Variants in MANBA observed in about 807,000 individuals in gnomAD.
MANBA encodes mannosidase beta, also known as beta-mannosidase.
A neutral mutation model predicts 111.1 loss-of-function variants in MANBA; 83 were observed. That is an observed-to-expected ratio of 0.75 (90% CI 0.63 to 0.90). MANBA has a LOEUF of 0.90. Among genes scored for constraint, MANBA ranks in the 40% least tolerant of loss-of-function variants. The probability of loss-of-function intolerance (pLI) is 0.00; values close to 1 mark genes in which losing one functional copy is unlikely to be tolerated. For missense variants in MANBA, 1,036 were observed against 1,069.0 expected, an observed-to-expected ratio of 0.97 and a Z score of 0.43; for synonymous variants, 370 against 378.7, an observed-to-expected ratio of 0.98 and a Z score of 0.27.
At chr4:102,674,235 C>T (rs1731623907) in intron 7 of MANBA, among the ~76,000 whole-genome samples, 165 bp from the exon 8 acceptor site, 1 of 152,058 alleles carries the variant, frequency 6.6e-6, no homozygotes, top group South Asian at 2.1e-4. Flanking sequence ...CAGGAATATA[C>T]ACATATAAAT....
chr4:102,649,902 A>C (rs1730256187), intron 13 of MANBA, among the ~76,000 whole-genome samples: 1 of 152,092 alleles, frequency 6.6e-6, no homozygotes, highest in Non-Finnish European at 1.5e-5. Context: ...GGTCAAATGA[A>C]GTTTCTAAAA....
chr4:102,710,390 A>G (rs1722006068), intron 5 of MANBA, among the ~76,000 whole-genome samples: 1 of 152,162 alleles, frequency 6.6e-6, no homozygotes, highest in Non-Finnish European at 1.5e-5. Flanking sequence ...AAAGAAATCA[A>G]GAAGGCAATC....
intron 13 of MANBA, among the ~76,000 whole-genome samples, chr4:102,649,122 G>A (rs1730221223): frequency 6.6e-6 from 1 of 152,084 alleles, no homozygotes; most frequent in African/African-American, 2.4e-5. Context: ...TCCACTGTAT[G>A]AATATACTAC....
intron 13 of MANBA, among the ~76,000 whole-genome samples, chr4:102,646,083 T>C (rs1478366993): frequency 6.6e-6 from 1 of 152,052 alleles, no homozygotes; most frequent in Non-Finnish European, 1.5e-5. Context: ...GAAAGAGTGA[T>C]ATGGGTGTCT....
chr4:102,694,862 T>C lies in MANBA; in HGVS notation c.674-4091A>G, dbSNP rs1249739785. On this transcript the variant is annotated intron_variant, in intron 5 of 16. Transcript: ENST00000647097. ...TCCCTGGCCTGAAGGCTTATTGGTG[T>C]CCTCGCTGATGTCCTAAGCCCAAGC... Among the ~76,000 whole-genome samples the C allele has an allele frequency of 2.6e-5, 4 of 152,092 alleles. No individual in the cohort carries two copies. In the South Asian group the frequency reaches 8.3e-4, roughly 32 times the overall value.
intron 13 of MANBA, among the ~76,000 whole-genome samples, chr4:102,650,320 C>T (rs1307279968): frequency 6.6e-6 from 1 of 152,168 alleles, no homozygotes; most frequent in Non-Finnish European, 1.5e-5. Flanking sequence ...CAATTTATTT[C>T]AGAATTTTGT....
intron 1 of MANBA, among the ~76,000 whole-genome samples, chr4:102,732,340 T>C (rs993401888): frequency 6.6e-6 from 1 of 152,264 alleles, no homozygotes; most frequent in African/African-American, 2.4e-5. Flanking sequence ...ATGGAGGGGC[T>C]TCCCCTCCTT....
intron 5 of MANBA, among the ~76,000 whole-genome samples, chr4:102,697,344 T>C (rs931387393): frequency 1.9e-4 from 27 of 143,488 alleles, no homozygotes; most frequent in Non-Finnish European, 3.0e-5. Context: ...GACAAATCTT[T>C]ATTTTATTTT....
At chr4:102,637,960 T>C (rs1351329793) in intron 14 of MANBA, among the ~76,000 whole-genome samples, 7 of 152,328 alleles carry the variant, frequency 4.6e-5, no homozygotes, top group Middle Eastern at 3.4e-3. Context: ...TCTCAACCTA[T>C]GGAATCTGAT....
chr4:102,685,495 A>T (rs951762896), intron 7 of MANBA, among the ~76,000 whole-genome samples: 1 of 148,350 alleles, frequency 6.7e-6, no homozygotes, highest in Non-Finnish European at 1.5e-5. Context: ...CCCATGTGTT[A>T]TCTTTCACCA....
intron 5 of MANBA, among the ~76,000 whole-genome samples, chr4:102,706,830 G>T (rs1733318839): frequency 6.6e-6 from 1 of 152,056 alleles, no homozygotes; most frequent in South Asian, 2.1e-4. Flanking sequence ...GCAGAAGAAA[G>T]AATTTCAGAA....
intron 5 of MANBA, among the ~76,000 whole-genome samples, chr4:102,714,052 CAGAA>C (rs1242009037): frequency 1.3e-5 from 2 of 152,094 alleles, no homozygotes; most frequent in Non-Finnish European, 2.9e-5. Context: ...TGTACAGAGA[CAGAA>C]AGCCAGTCTA....
At chr4:102,726,496 A>AAC (rs1329799045) in intron 2 of MANBA, 93 bp downstream of exon 2, 11 of 760,160 alleles carry the variant, frequency 1.4e-5, no homozygotes, top group Non-Finnish European at 2.5e-5. Flanking sequence ...ATACAAAACA[A>AAC]AAAAAAAACA....
intron 12 of MANBA, among the ~76,000 whole-genome samples, chr4:102,656,158 G>A (rs1160058920): frequency 6.6e-6 from 1 of 152,098 alleles, no homozygotes; most frequent in Non-Finnish European, 1.5e-5. Flanking sequence ...GGATGCTGAG[G>A]CAGGAGGATT....
intron 9 of MANBA, among the ~76,000 whole-genome samples, chr4:102,669,824 C>CA (rs1342699974): frequency 6.6e-6 from 1 of 152,016 alleles, no homozygotes; most frequent in Non-Finnish European, 1.5e-5. Flanking sequence ...ACTAAAAGTA[C>CA]AAAAAATTAG....
chr4:102,679,246 G>A (rs1333125473), intron 7 of MANBA, among the ~76,000 whole-genome samples: 11 of 151,698 alleles, frequency 7.3e-5, no homozygotes, highest in Admixed American at 7.2e-4. Context: ...CATTGACATC[G>A]GCACAGTTAT....
intron 1 of MANBA, among the ~76,000 whole-genome samples, chr4:102,753,386 A>G (rs1273102372): frequency 2.0e-5 from 3 of 152,106 alleles, no homozygotes; most frequent in African/African-American, 7.2e-5. Context: ...ATAAATACGT[A>G]TTTTTAAAAG....
chr4:102,727,677 G>T, intron 1 of MANBA: 1 of 1,333,688 alleles, frequency 7.5e-7, no homozygotes, highest in Non-Finnish European at 1.1e-6. Flanking sequence ...CGCAGTCTCA[G>T]CAGAATCTCC....
intron 2 of MANBA, 89 bp downstream of exon 2, chr4:102,726,500 A>G: frequency 1.3e-6 from 1 of 779,170 alleles, no homozygotes; most frequent in African/African-American, 1.8e-5. Flanking sequence ...AAAACAAAAA[A>G]AAAACAAACA....
Sources: allele counts gnomAD v4.1 joint callset (sites outside exome capture counted in the v4.1 genomes callset), GRCh38; gene constraint gnomAD v4.1.1; transcripts MANE v1.5; gene names NCBI Gene and HGNC (gene_info 2026-07-23, HGNC 2026-07-21).